DCDC1: variants seen among roughly 807,000 people sequenced by gnomAD.
The protein encoded by DCDC1 is doublecortin domain containing 1, also known as doublecortin domain-containing protein 1.
A neutral mutation model predicts 178.3 loss-of-function variants in DCDC1; 200 were observed. That is an observed-to-expected ratio of 1.12 (90% CI 1.00 to 1.26). The LOEUF is 1.26. DCDC1 is among the 50% of genes most tolerant of loss of function. DCDC1 has a pLI of 0.00. For missense variants in DCDC1, 1,983 were observed against 1,749.2 expected, an observed-to-expected ratio of 1.13 and a Z score of -2.38; for synonymous variants, 690 against 604.8, an observed-to-expected ratio of 1.14 and a Z score of -2.07.
chr11:30,949,787 T>C (rs1172856229), intron 21 of DCDC1, among the ~76,000 whole-genome samples: 1 of 133,398 alleles, frequency 7.5e-6, no homozygotes, highest in African/African-American at 2.9e-5. Context: ...TTCTCACTCA[T>C]AAGTGGGAGT....
chr11:31,146,381 C>T (rs573292275), intron 9 of DCDC1, among the ~76,000 whole-genome samples: 9 of 152,284 alleles, frequency 5.9e-5, no homozygotes, highest in African/African-American at 2.2e-4. Flanking sequence ...CCACCATGCC[C>T]AGCCCTAGTC....
chr11:31,350,866 A>T (rs1328846679), intron 1 of DCDC1, among the ~76,000 whole-genome samples: 2 of 152,112 alleles, frequency 1.3e-5, no homozygotes, highest in Non-Finnish European at 2.9e-5. Flanking sequence ...TTTCATTTCA[A>T]ATACAAAATA....
chr11:31,280,673 C>T (rs1946358815), intron 7 of DCDC1: 4 of 521,386 alleles, frequency 7.7e-6, no homozygotes, highest in Non-Finnish European at 1.1e-5. Context: ...AATTATTACT[C>T]ATTTAGTAGC....
intron 20 of DCDC1, among the ~76,000 whole-genome samples, chr11:30,977,496 T>C (rs1270033513): frequency 6.6e-6 from 1 of 152,218 alleles, no homozygotes; most frequent in African/African-American, 2.4e-5. Context: ...AATACCATAG[T>C]TTGCTTAACT....
At chr11:31,250,413 C>CATATATATATATATATATATAT (rs1565496380) in intron 8 of DCDC1, among the ~76,000 whole-genome samples, 1 of 93,070 alleles carries the variant, frequency 1.1e-5, no homozygotes, top group African/African-American at 5.1e-5. Flanking sequence ...CACACACACA[C>CATATATATATATATATATATAT]ACATATACAT....
intron 20 of DCDC1, among the ~76,000 whole-genome samples, chr11:31,014,197 C>T (rs1952342757): frequency 6.6e-6 from 1 of 151,828 alleles, no homozygotes; most frequent in Non-Finnish European, 1.5e-5. Context: ...CTCGCTCTCA[C>T]TCTCTCTTTC....
chr11:30,937,206 C>G (rs1182285139), intron 21 of DCDC1, among the ~76,000 whole-genome samples: 1 of 152,114 alleles, frequency 6.6e-6, no homozygotes, highest in Non-Finnish European at 1.5e-5. Context: ...ATCAGAACCT[C>G]AAATCCCTCC....
intron 20 of DCDC1, among the ~76,000 whole-genome samples, chr11:31,054,219 T>C (rs553012344): frequency 1.4e-5 from 2 of 145,314 alleles, no homozygotes; most frequent in South Asian, 4.4e-4. Flanking sequence ...CAACCCCTTT[T>C]ACAATAGCTG....
intron 9 of DCDC1, among the ~76,000 whole-genome samples, chr11:31,228,475 C>T (rs548179540): frequency 2.6e-5 from 4 of 151,986 alleles, no homozygotes; most frequent in Non-Finnish European, 5.9e-5. Context: ...AGGTCTAAAT[C>T]AATTATCTAA....
intron 20 of DCDC1, among the ~76,000 whole-genome samples, chr11:30,959,071 A>G (rs1590548138): frequency 6.6e-6 from 1 of 152,158 alleles, no homozygotes; most frequent in African/African-American, 2.4e-5. Flanking sequence ...CTGGCCAAGA[A>G]TAAGAGAAAT....
intron 9 of DCDC1, among the ~76,000 whole-genome samples, chr11:31,239,232 T>A (rs1976818950): frequency 6.6e-6 from 1 of 152,010 alleles, no homozygotes; most frequent in Non-Finnish European, 1.5e-5. Flanking sequence ...CAATCTTATA[T>A]AAAACTAAAT....
chr11:31,192,569 T>C (rs1970250356), intron 9 of DCDC1, among the ~76,000 whole-genome samples: 1 of 152,096 alleles, frequency 6.6e-6, no homozygotes, highest in Non-Finnish European at 1.5e-5. Flanking sequence ...TTAAACATCA[T>C]ATATTCTAGT....
At chr11:31,356,316 C>A (rs972619276) in intron 1 of DCDC1, among the ~76,000 whole-genome samples, 1 of 152,062 alleles carries the variant, frequency 6.6e-6, no homozygotes, top group Non-Finnish European at 1.5e-5. Flanking sequence ...GGAAACTGAA[C>A]AACCTGCTCC....
At chr11:30,994,763 G>A (rs1289825758) in intron 20 of DCDC1, among the ~76,000 whole-genome samples, 2 of 141,802 alleles carry the variant, frequency 1.4e-5, no homozygotes, top group Admixed American at 7.3e-5. Flanking sequence ...TAATATATTT[G>A]TTTATTATAA....
At chr11:31,006,162 C>T (rs1042343155) in intron 20 of DCDC1, among the ~76,000 whole-genome samples, 1 of 152,024 alleles carries the variant, frequency 6.6e-6, no homozygotes, top group African/African-American at 2.4e-5. Context: ...CTTGATGTTT[C>T]TATAGTTATG....
intron 9 of DCDC1, chr11:31,155,779 G>A (rs1965661320): frequency 6.6e-6 from 1 of 152,258 alleles, no homozygotes; most frequent in Admixed American, 6.5e-5. Context: ...AGGTGGGCAA[G>A]AGGTGACCAC....
chr11:30,929,159 T>C (rs1170225508), intron 22 of DCDC1, among the ~76,000 whole-genome samples: 1 of 152,144 alleles, frequency 6.6e-6, no homozygotes, highest in Non-Finnish European at 1.5e-5. Flanking sequence ...AAGGCCTATG[T>C]AGGCCCTTAA....
intron 20 of DCDC1, among the ~76,000 whole-genome samples, chr11:31,009,776 C>T (rs532886863): frequency 2.8e-4 from 43 of 152,214 alleles, no homozygotes; most frequent in African/African-American, 3.9e-4. Context: ...TTGCCTGAGA[C>T]GGTAATTTAT....
intron 20 of DCDC1, among the ~76,000 whole-genome samples, chr11:30,971,692 C>T (rs917788966): frequency 6.8e-6 from 1 of 146,272 alleles, no homozygotes; most frequent in South Asian, 2.2e-4. Context: ...TCACCGCAAG[C>T]TCTGCCTCCC....
Sources: allele counts gnomAD v4.1 joint callset (sites outside exome capture counted in the v4.1 genomes callset), GRCh38; gene constraint gnomAD v4.1.1; transcripts MANE v1.5; gene names NCBI Gene and HGNC (gene_info 2026-07-23, HGNC 2026-07-21).